The following DHTKD1 variants were observed in gnomAD, a reference collection of about 807,000 sequenced individuals.
DHTKD1 encodes the protein dehydrogenase E1 and transketolase domain containing 1, also known as 2-oxoadipate dehydrogenase complex component E1.
Under a neutral mutation model 101.8 loss-of-function variants are expected in DHTKD1, and 78 were observed. That is an observed-to-expected ratio of 0.77 (90% CI 0.64 to 0.93). DHTKD1 has a LOEUF of 0.93. Among genes scored for constraint, DHTKD1 ranks in the 40% least tolerant of loss-of-function variants. The pLI is 0.00. For synonymous variants in DHTKD1, 462 were observed against 450.3 expected, an observed-to-expected ratio of 1.03 and a Z score of -0.33; for missense variants, 1,223 against 1,161.7, an observed-to-expected ratio of 1.05 and a Z score of -0.77.
intron 1 of DHTKD1, among the ~76,000 whole-genome samples, chr10:12,073,041 AT>A (rs1832674759): frequency 9.5e-6 from 1 of 105,288 alleles, no homozygotes; most frequent in African/African-American, 4.0e-5. Context: ...TGACCTGTTT[AT>A]TTGTTTTTTT....
At chr10:12,084,390 A>G (rs924153430) in intron 2 of DHTKD1, 150 bp from the exon 3 acceptor site, 1 of 567,548 alleles carries the variant, frequency 1.8e-6, no homozygotes, top group Non-Finnish European at 3.1e-6. Flanking sequence ...ATTACTGCAT[A>G]TAACAAAACA....
At chr10:12,099,842 G>A (rs1421278146) in intron 8 of DHTKD1, among the ~76,000 whole-genome samples, 1 of 143,156 alleles carries the variant, frequency 7.0e-6, no homozygotes, top group African/African-American at 2.7e-5. Context: ...TGTCGCCCAG[G>A]CTGTAGTGTA....
At chr10:12,102,601 C>T (rs554001119) in intron 10 of DHTKD1, among the ~76,000 whole-genome samples, 1 of 152,078 alleles carries the variant, frequency 6.6e-6, no homozygotes, top group Admixed American at 6.6e-5. Flanking sequence ...ATGAGGCTTT[C>T]ATTGAATTGT....
intron 3 of DHTKD1, among the ~76,000 whole-genome samples, chr10:12,086,528 T>G (rs942983770): frequency 3.9e-5 from 6 of 151,996 alleles, no homozygotes; most frequent in African/African-American, 1.4e-4. Flanking sequence ...CTAAAATGTG[T>G]TAGCCAGGAT....
intron 4 of DHTKD1, 30 bp from the exon 5 acceptor site, chr10:12,088,956 T>C: frequency 6.3e-7 from 1 of 1,589,374 alleles, no homozygotes; most frequent in South Asian, 1.1e-5. Flanking sequence ...ATGAATGCCA[T>C]TTTTTTCCTT....
intron 1 of DHTKD1, among the ~76,000 whole-genome samples, chr10:12,070,308 G>T (rs1832633717): frequency 6.6e-6 from 1 of 152,152 alleles, no homozygotes; most frequent in South Asian, 2.1e-4. Context: ...GATAAGTACA[G>T]ATTGCTTATT....
At position 12,111,904 on chromosome 10, in the gene DHTKD1, G is replaced by T. The variant is rs1340489946; in HGVS notation, c.2155-996G>T. Among the ~76,000 whole-genome samples the T allele has an allele frequency of 3.3e-5, 5 of 152,244 alleles. No individual in the cohort carries two copies. In the East Asian group the frequency reaches 9.6e-4, roughly 29 times the overall value. On this transcript the variant is annotated intron_variant, in intron 12 of 16. Coordinates refer to ENST00000263035, the MANE Select transcript of DHTKD1 (RefSeq NM_018706.7). Reference sequence around the variant, plus strand: ...AAAGTAAGACCATTGGTGTGATTTTGTGTTGTCTCCAGCTACTTTCTCTGC... The same window carrying T: ...AAAGTAAGACCATTGGTGTGATTTTTTGTTGTCTCCAGCTACTTTCTCTGC...
intron 9 of DHTKD1, among the ~76,000 whole-genome samples, chr10:12,100,463 C>G (rs1645440010): frequency 6.6e-6 from 1 of 151,260 alleles, no homozygotes; most frequent in South Asian, 2.1e-4. Context: ...CGGGGTTTCA[C>G]TATGTTGGTC....
chr10:12,105,479 C>A (rs1382374681), intron 10 of DHTKD1, among the ~76,000 whole-genome samples: 2 of 151,928 alleles, frequency 1.3e-5, no homozygotes, highest in Non-Finnish European at 2.9e-5. Flanking sequence ...CCATGCCCAG[C>A]TAATTTTTGT....
intron 1 of DHTKD1, among the ~76,000 whole-genome samples, chr10:12,080,141 G>A (rs745885269): frequency 3.3e-5 from 5 of 151,972 alleles, no homozygotes; most frequent in Non-Finnish European, 5.9e-5. Context: ...TTAGCTGGGC[G>A]TGGTGGCGGG....
intron 1 of DHTKD1, among the ~76,000 whole-genome samples, chr10:12,078,521 C>T (rs1215758079): frequency 2.6e-5 from 4 of 151,806 alleles, no homozygotes; most frequent in Non-Finnish European, 5.9e-5. Flanking sequence ...TGAGGCAGGA[C>T]AATCGCTTGC....
chr10:12,100,671 A>G (rs1350255255), intron 9 of DHTKD1, among the ~76,000 whole-genome samples: 1 of 152,088 alleles, frequency 6.6e-6, no homozygotes, highest in Non-Finnish European at 1.5e-5. Flanking sequence ...GTGTTCATTG[A>G]CCAGAGAGGT....
At chr10:12,081,054 A>C (rs1458484377) in intron 1 of DHTKD1, among the ~76,000 whole-genome samples, 1 of 151,994 alleles carries the variant, frequency 6.6e-6, no homozygotes, top group Non-Finnish European at 1.5e-5. Context: ...TAATCCCAGC[A>C]CTTTGGGAGG....
intron 1 of DHTKD1, among the ~76,000 whole-genome samples, chr10:12,076,975 TAAAAAAAAA>T (rs61096299): frequency 1.5e-4 from 9 of 61,838 alleles, no homozygotes; most frequent in African/African-American, 3.9e-4. Flanking sequence ...CTGTTTCTGA[TAAAAAAAAA>T]AAAAAAAAAA....
intron 7 of DHTKD1, among the ~76,000 whole-genome samples, chr10:12,095,673 C>T (rs1315877816): frequency 7.9e-5 from 12 of 151,660 alleles, no homozygotes; most frequent in Admixed American, 2.6e-4. Context: ...ATTAGCCGGG[C>T]GTGGTGGCGG....
Position 12,091,527 on chromosome 10 carries a change from T to C in DHTKD1, c.1002T>C (p.Ala334=), listed in dbSNP as rs1409822634. The C allele has an allele frequency of 6.2e-7, 1 of 1,606,260 alleles. No individual in the cohort carries two copies. Among genetic ancestry groups the C allele is most frequent in the African/African-American group, 1.3e-5 (1 of 74,508 alleles). The change falls in exon 6 of 17, where the codon GCT becomes GCC. Residue 334 remains alanine, a synonymous_variant. Coordinates refer to ENST00000263035, the MANE Select transcript of DHTKD1 (RefSeq NM_018706.7). ...RVICLQVHGD[A]SFCGQGIVPE... is the part of the protein sequence containing the mutation. ...TCATGATTTAGGTCCATGGTGATGCTTCTTTCTGTGGTCAAGGGATTGTTC... is the reference window on the plus strand; with the variant it reads ...TCATGATTTAGGTCCATGGTGATGCCTCTTTCTGTGGTCAAGGGATTGTTC...
chr10:12,070,925 TA>T (rs1237873223), intron 1 of DHTKD1, among the ~76,000 whole-genome samples: 1 of 152,240 alleles, frequency 6.6e-6, no homozygotes, highest in Non-Finnish European at 1.5e-5. Flanking sequence ...GCTCCTGAGC[TA>T]CAGGCTTCAA....
In DHTKD1 at chr10:12,097,716, A is replaced by G. The variant is rs576359665; in HGVS notation, c.1391A>G (p.Glu464Gly). Residue 464 changes from glutamate (E) to glycine (G), a missense_variant, in exon 8 of 17, where the codon GAG becomes GGG. Transcript: ENST00000263035. ...ARKSIPDTYA[E>G]HLIAGGLMTQ... is the part of the protein sequence containing the mutation. ...AAGAGCATTCCAGACACATATGCAG[A>G]GCACCTCATTGCTGGCGGACTCATG... The G allele has an allele frequency of 6.2e-7, 1 of 1,613,968 alleles. No homozygotes were observed. Among genetic ancestry groups the G allele is most frequent in the South Asian group, 1.1e-5 (1 of 91,062 alleles).
intron 4 of DHTKD1, among the ~76,000 whole-genome samples, chr10:12,088,371 C>G (rs1394519424): frequency 6.6e-6 from 1 of 151,460 alleles, no homozygotes; most frequent in East Asian, 2.0e-4. Flanking sequence ...ACTTGGGAGG[C>G]TGGGATGGGA....
Sources: allele counts gnomAD v4.1 joint callset (sites outside exome capture counted in the v4.1 genomes callset), GRCh38; gene constraint gnomAD v4.1.1; transcripts MANE v1.5; gene names NCBI Gene and HGNC (gene_info 2026-07-23, HGNC 2026-07-21).